LANCL3: variants seen among roughly 807,000 people sequenced by gnomAD.
The protein encoded by LANCL3 is lanC-like protein 3.
In LANCL3, 19 loss-of-function variants were observed where a neutral mutation model predicts 26.5. The ratio of observed to expected loss-of-function variants is 0.72; its 90% CI spans 0.50 to 1.05. The LOEUF (loss-of-function observed/expected upper bound fraction) is 1.05. Among genes scored for constraint, LANCL3 ranks in the 50% least tolerant of loss-of-function variants. The probability of loss-of-function intolerance (pLI) is 0.00; values close to 1 mark genes in which losing one functional copy is unlikely to be tolerated. For synonymous variants in LANCL3, 160 were observed against 166.6 expected (o/e 0.96, Z 0.30); for missense variants, 318 against 362.7 (o/e 0.88, Z 1.00).
At chrX:37,602,960 G>A (rs782802956) in intron 1 of LANCL3, among the ~76,000 whole-genome samples, 5 of 111,973 alleles carry the variant, frequency 4.5e-5, no homozygotes, top group Non-Finnish European at 9.4e-5. Flanking sequence ...AATGATTTCT[G>A]TGTTGTGTAG....
rs1926946090 is a variant in LANCL3 at position 37,682,000 on chromosome X, T to C, written c.*6187T>C. 1 of 112,426 alleles carries C rather than the reference T, an allele frequency of 8.9e-6. No homozygotes were observed. The highest frequency in any genetic ancestry group is 3.7e-4 in the South Asian group (1 of 2,717). The allele number at this position is 112,426 out of a possible 1,213,427, so 9.3% of individuals were successfully genotyped here. A position where few individuals can be genotyped will look rare whatever the true frequency, so the allele number is the denominator to read the frequency against. ...ACTCTAAAAAGATGTGGGGGTGTGG[T>C]GGGGGATATGTGAATGTGTATATGT... On this transcript the variant is annotated 3_prime_UTR_variant, in exon 5 of 5. Coordinates refer to ENST00000378619, the MANE Select transcript of LANCL3 (RefSeq NM_001170331.2).
chrX:37,577,283 A>T (rs1321974146), intron 1 of LANCL3, among the ~76,000 whole-genome samples: 2 of 112,786 alleles, frequency 1.8e-5, no homozygotes, highest in Non-Finnish European at 3.7e-5. Flanking sequence ...AAACACACAG[A>T]ATTACAAAGG....
chrX:37,576,998 AGCAGG>A (rs1342868334), intron 1 of LANCL3, among the ~76,000 whole-genome samples: 1 of 112,750 alleles, frequency 8.9e-6, no homozygotes, highest in Admixed American at 9.3e-5. Context: ...AGGAGACATG[AGCAGG>A]GTAAAATCAG....
chrX:37,583,625 C>T (rs1434309639), intron 1 of LANCL3, among the ~76,000 whole-genome samples: 1 of 111,422 alleles, frequency 9.0e-6, no homozygotes, highest in Non-Finnish European at 1.9e-5. Context: ...GTTTGTCTAT[C>T]ATTGGTGTAG....
At chrX:37,659,361 T>G in intron 2 of LANCL3, 101 bp from the exon 3 acceptor site, 1 of 605,479 alleles carries the variant, frequency 1.7e-6, no homozygotes, top group Non-Finnish European at 2.6e-6. Flanking sequence ...AGCTTTCAAG[T>G]AATATTGGCT....
At chrX:37,649,943 T>C in intron 1 of LANCL3, among the ~76,000 whole-genome samples, 1 of 111,048 alleles carries the variant, frequency 9.0e-6, no homozygotes, top group Non-Finnish European at 1.9e-5. Context: ...ATTTTTGCAC[T>C]CACTTAGTAT....
At chrX:37,620,890 C>T (rs1925136433) in intron 1 of LANCL3, among the ~76,000 whole-genome samples, 1 of 111,640 alleles carries the variant, frequency 9.0e-6, no homozygotes, top group African/African-American at 3.3e-5. Context: ...ACATGCCTCA[C>T]TTAGAAAGAT....
rs146303739 is a variant in LANCL3, at chrX:37,584,604, G to A, written c.573+12161G>A. Among the ~76,000 whole-genome samples the A allele has an allele frequency of 2.4e-3, 263 of 111,630 alleles. 1 individual carries two copies. Among genetic ancestry groups the A allele is most frequent in the African/African-American group, 7.9e-3 (243 of 30,612 alleles). On this transcript the variant is annotated intron_variant, in intron 1 of 4. Coordinates refer to ENST00000378619, the MANE Select transcript of LANCL3 (RefSeq NM_001170331.2). The stretch of plus-strand genomic sequence containing the variant: ...CTTCTAGGTTTTCAAGTTTATTTGC[G>A]TAGAGGTGTTTATAGTATTCTCTGA...
At chrX:37,673,579 TG>T (rs1926731989) in intron 4 of LANCL3, among the ~76,000 whole-genome samples, 2 of 111,606 alleles carry the variant, frequency 1.8e-5, no homozygotes, top group Admixed American at 9.6e-5. Context: ...TGTTTAATTT[TG>T]CACCACTGGA....
chrX:37,594,102 A>G (rs1429421553), intron 1 of LANCL3, among the ~76,000 whole-genome samples: 1 of 111,656 alleles, frequency 9.0e-6, no homozygotes, highest in African/African-American at 3.3e-5. Flanking sequence ...GATAGGGCCC[A>G]GTTAAAATAA....
chrX:37,627,571 T>A (rs1195008403), intron 1 of LANCL3, among the ~76,000 whole-genome samples: 1 of 111,669 alleles, frequency 9.0e-6, no homozygotes, highest in Non-Finnish European at 1.9e-5. Context: ...CTCTGTACTT[T>A]AACAAGATTG....
intron 1 of LANCL3, among the ~76,000 whole-genome samples, chrX:37,628,181 G>T (rs1925369444): frequency 9.0e-6 from 1 of 111,456 alleles, no homozygotes. Context: ...GCACCAGTAT[G>T]GGTCAAATAT....
chrX:37,651,838 G>A (rs1287889498), intron 1 of LANCL3, among the ~76,000 whole-genome samples: 1 of 109,966 alleles, frequency 9.1e-6, no homozygotes, highest in Non-Finnish European at 1.9e-5. Flanking sequence ...ACCTATGAGT[G>A]AGAACATGTG....
At chrX:37,660,176 A>G (rs1307597485) in intron 3 of LANCL3, among the ~76,000 whole-genome samples, 1 of 111,729 alleles carries the variant, frequency 9.0e-6, no homozygotes, top group Non-Finnish European at 1.9e-5. Flanking sequence ...TGGATAGTGC[A>G]GATCTGGAGC....
chrX:37,649,875 C>G (rs1556428235), intron 1 of LANCL3, among the ~76,000 whole-genome samples: 1 of 111,216 alleles, frequency 9.0e-6, no homozygotes, highest in Admixed American at 9.6e-5. Flanking sequence ...CTTTAGCCCT[C>G]GTCTTCATCA....
intron 1 of LANCL3, among the ~76,000 whole-genome samples, chrX:37,590,803 A>G (rs1412002869): frequency 1.8e-5 from 2 of 111,404 alleles, no homozygotes; most frequent in Non-Finnish European, 1.9e-5. Context: ...ATGCATTAGA[A>G]TCCCTTGAGG....
At chrX:37,603,037 G>C (rs955892275) in intron 1 of LANCL3, among the ~76,000 whole-genome samples, 8 of 112,196 alleles carry the variant, frequency 7.1e-5, no homozygotes, top group South Asian at 3.7e-4. Context: ...TGATCTAAAG[G>C]AAATAGAAGT....
At chrX:37,628,819 T>C (rs1925393090) in intron 1 of LANCL3, among the ~76,000 whole-genome samples, 4 of 110,326 alleles carry the variant, frequency 3.6e-5, no homozygotes, top group Admixed American at 1.9e-4. Flanking sequence ...GGTGTATATG[T>C]ACCACATTTT....
chrX:37,592,345 A>G (rs782384580), intron 1 of LANCL3, among the ~76,000 whole-genome samples: 1 of 112,767 alleles, frequency 8.9e-6, no homozygotes, highest in East Asian at 2.8e-4. Context: ...CAGAATTGCC[A>G]GTGAACTTTT....
Sources: gnomAD v4.1 joint callset for allele counts (sites outside exome capture counted in the v4.1 genomes callset) on GRCh38, gnomAD v4.1.1 for gene constraint, MANE v1.5 for transcripts, NCBI Gene and HGNC (gene_info 2026-07-23, HGNC 2026-07-21) for gene names.